The following PPP2R3A variants were observed in gnomAD, a reference collection of about 807,000 sequenced individuals.
PPP2R3A encodes protein phosphatase 2 regulatory subunit B''alpha, also known as serine/threonine-protein phosphatase 2A regulatory subunit B'' subunit alpha.
PPP2R3A carries 80 observed loss-of-function variants against 106.9 expected under a neutral mutation model. The observed-to-expected ratio is 0.75, with a 90% CI of 0.62 to 0.90. The LOEUF is 0.90. Ranked by LOEUF, PPP2R3A falls within the 40% of genes least tolerant of loss-of-function variation. PPP2R3A has a pLI of 0.00. For missense variants in PPP2R3A, 1,386 were observed against 1,350.4 expected, an observed-to-expected ratio of 1.03 and a Z score of -0.41; for synonymous variants, 483 against 468.3, an observed-to-expected ratio of 1.03 and a Z score of -0.41.
chr3:136,122,648 A>G lies in PPP2R3A; in HGVS notation c.3329+16326A>G, dbSNP rs534106739. On this transcript the variant is annotated intron_variant, in intron 13 of 13. Coordinates refer to ENST00000264977, the MANE Select transcript of PPP2R3A (RefSeq NM_002718.5). ...TACGTAAACAACAACAAAAAAATCT[A>G]TTTATACATACACACAGAGAGCATA... Among the ~76,000 whole-genome samples the G allele has an allele frequency of 7.0e-4, 106 of 152,304 alleles. 2 individuals are homozygous for G. In the South Asian group the frequency reaches 0.021, roughly 30 times the overall value.
chr3:136,067,200 TA>T (rs1936286000), intron 5 of PPP2R3A, among the ~76,000 whole-genome samples: 2 of 152,072 alleles, frequency 1.3e-5, no homozygotes, highest in Admixed American at 6.6e-5. Context: ...ACTAACTCAA[TA>T]AAATATTAAA....
chr3:136,028,383 T>C (rs1018569915), intron 3 of PPP2R3A, among the ~76,000 whole-genome samples: 3 of 152,236 alleles, frequency 2.0e-5, no homozygotes, highest in Non-Finnish European at 2.9e-5. Context: ...TGCTTGTTGA[T>C]ACCCTAGATG....
At chr3:136,096,611 G>C (rs748956964) in intron 10 of PPP2R3A, among the ~76,000 whole-genome samples, 19 of 152,178 alleles carry the variant, frequency 1.2e-4, no homozygotes, top group Non-Finnish European at 2.8e-4. Flanking sequence ...ATGCCTAAGG[G>C]CACTAGGCCA....
intron 6 of PPP2R3A, among the ~76,000 whole-genome samples, chr3:136,071,561 T>G (rs1359370874): frequency 6.6e-6 from 1 of 152,184 alleles, no homozygotes; most frequent in Admixed American, 6.5e-5. Flanking sequence ...GATATCAAAC[T>G]TGGTTTATTT....
intron 8 of PPP2R3A, among the ~76,000 whole-genome samples, chr3:136,084,208 CT>C (rs1250974811): frequency 1.3e-5 from 2 of 152,238 alleles, no homozygotes; most frequent in Non-Finnish European, 2.9e-5. Context: ...GGGGCCCCCC[CT>C]GCTCTATGCA....
At position 136,011,982 on chromosome 3, in the gene PPP2R3A, C is replaced by T. The variant is rs146899942; in HGVS notation, c.1995+8489C>T. ...CAATTACTGAGAAATCATACACACA[C>T]ACACACACACATACACACACACACA... On this transcript the variant is annotated intron_variant, in intron 2 of 13. Transcript: ENST00000264977. Among the ~76,000 whole-genome samples, 425 of 137,562 alleles carry T rather than the reference C, an allele frequency of 3.1e-3. 1 individual carries two copies. The highest frequency in any genetic ancestry group is 0.028 in the East Asian group (141 of 5,068). 90.2% of individuals were successfully genotyped at this position (137,562 alleles called of 152,430 possible).
At chr3:136,099,476 A>G (rs982174549) in intron 10 of PPP2R3A, among the ~76,000 whole-genome samples, 13 of 152,182 alleles carry the variant, frequency 8.5e-5, no homozygotes, top group African/African-American at 3.1e-4. Flanking sequence ...AGTACAGGAC[A>G]TGAACAGAAT....
At position 136,086,594 on chromosome 3, in the gene PPP2R3A, A is replaced by C. The variant is rs557778971; in HGVS notation, c.2789-1289A>C. Among the ~76,000 whole-genome samples the C allele has an allele frequency of 3.9e-4, 60 of 152,316 alleles. 1 individual carries two copies. In the South Asian group the frequency reaches 0.012, roughly 29 times the overall value. Reference sequence around the variant, plus strand: ...TTCCCAAGCTAAAAAATGCCTTTAAAAAAAGATTTTGGCTTTACAATTAAA... The same window carrying C: ...TTCCCAAGCTAAAAAATGCCTTTAACAAAAGATTTTGGCTTTACAATTAAA... On this transcript the variant is annotated intron_variant, in intron 8 of 13. Coordinates refer to ENST00000264977, the MANE Select transcript of PPP2R3A (RefSeq NM_002718.5).
intron 10 of PPP2R3A, among the ~76,000 whole-genome samples, chr3:136,101,012 A>G (rs988748003): frequency 6.6e-6 from 1 of 152,214 alleles, no homozygotes; most frequent in Non-Finnish European, 1.5e-5. Flanking sequence ...TAACAAAATA[A>G]TGAGGAAACA....
chr3:136,088,940 T>C (rs756945585), intron 9 of PPP2R3A, among the ~76,000 whole-genome samples: 15 of 152,282 alleles, frequency 9.9e-5, no homozygotes, highest in Admixed American at 2.6e-4. Flanking sequence ...TGGGGTTGTT[T>C]TTTGCTTGTT....
chr3:136,044,339 G>A (rs1252391957), intron 4 of PPP2R3A, among the ~76,000 whole-genome samples: 2 of 152,030 alleles, frequency 1.3e-5, no homozygotes, highest in Admixed American at 1.3e-4. Context: ...CTATATGCCA[G>A]GTATTGTGTC....
chr3:136,104,212 A>G (rs1435579189), intron 12 of PPP2R3A, among the ~76,000 whole-genome samples: 2 of 152,210 alleles, frequency 1.3e-5, no homozygotes, highest in African/African-American at 4.8e-5. Flanking sequence ...TGACCTCAGC[A>G]TATCAAGTTG....
chr3:136,082,176 C>A, intron 7 of PPP2R3A, 89 bp from the exon 8 acceptor site: 1 of 1,160,012 alleles, frequency 8.6e-7, no homozygotes, highest in Non-Finnish European at 1.2e-6. Flanking sequence ...ATTTTAAATT[C>A]AGTTTAAAAC....
intron 1 of PPP2R3A, among the ~76,000 whole-genome samples, chr3:135,974,131 C>A (rs1440213445): frequency 6.6e-6 from 1 of 152,204 alleles, no homozygotes; most frequent in Non-Finnish European, 1.5e-5. Context: ...TTGCTGCATT[C>A]TCTGCATTTC....
At chr3:136,076,722 G>A (rs1389477044) in intron 6 of PPP2R3A, among the ~76,000 whole-genome samples, 1 of 152,208 alleles carries the variant, frequency 6.6e-6, no homozygotes, top group Non-Finnish European at 1.5e-5. Flanking sequence ...GCCGAGGCGG[G>A]TGGATCACAA....
At chr3:135,974,105 C>A (rs750423599) in intron 1 of PPP2R3A, among the ~76,000 whole-genome samples, 2 of 152,190 alleles carry the variant, frequency 1.3e-5, no homozygotes, top group African/African-American at 4.8e-5. Flanking sequence ...CTTTGAAACG[C>A]GTCCTTCATT....
chr3:136,097,912 C>G (rs1000170779), intron 10 of PPP2R3A, among the ~76,000 whole-genome samples: 1 of 152,178 alleles, frequency 6.6e-6, no homozygotes, highest in Non-Finnish European at 1.5e-5. Flanking sequence ...GTTTTCCCCA[C>G]AATCAGGAAT....
At chr3:135,966,314 G>A (rs1937083159) in intron 1 of PPP2R3A, among the ~76,000 whole-genome samples, 1 of 152,138 alleles carries the variant, frequency 6.6e-6, no homozygotes, top group Non-Finnish European at 1.5e-5. Flanking sequence ...TTCCTTCCCC[G>A]CCCCCTGCCC....
At chr3:135,997,970 C>G (rs1163995241) in intron 1 of PPP2R3A, among the ~76,000 whole-genome samples, 2 of 152,196 alleles carry the variant, frequency 1.3e-5, no homozygotes, top group East Asian at 1.9e-4. Flanking sequence ...TCGTGTTACT[C>G]TTACTCTCTA....
Sources: allele counts gnomAD v4.1 joint callset (sites outside exome capture counted in the v4.1 genomes callset), GRCh38; gene constraint gnomAD v4.1.1; transcripts MANE v1.5; gene names NCBI Gene and HGNC (gene_info 2026-07-23, HGNC 2026-07-21).